COG5: variants seen among roughly 807,000 people sequenced by gnomAD.
COG5 encodes the protein conserved oligomeric Golgi complex subunit 5.
In COG5, 86 loss-of-function variants were observed where a neutral mutation model predicts 110.4. That is an observed-to-expected ratio of 0.78 (90% CI 0.65 to 0.93). The LOEUF (loss-of-function observed/expected upper bound fraction) is 0.93, where lower values mean the gene tolerates loss of function less well. Among genes scored for constraint, COG5 ranks in the 40% least tolerant of loss-of-function variants. The pLI is 0.00. For missense variants in COG5, 1,077 were observed against 987.0 expected (o/e 1.09, Z -1.22); for synonymous variants, 360 against 334.6 (o/e 1.08, Z -0.83).
At chr7:107,236,358 C>T in intron 18 of COG5, 92 bp downstream of exon 18, 1 of 981,784 alleles carries the variant, frequency 1.0e-6, no homozygotes, top group Non-Finnish European at 1.6e-6. Flanking sequence ...TGCTGCAACT[C>T]TTTAAAAACA....
intron 6 of COG5, among the ~76,000 whole-genome samples, chr7:107,458,199 A>C (rs1046732077): frequency 2.0e-5 from 3 of 152,230 alleles, no homozygotes; most frequent in African/African-American, 7.2e-5. Context: ...AAACAGAAAG[A>C]ATTTGTTGCA....
chr7:107,362,118 G>A lies in COG5; in HGVS notation c.949-8C>T. 6.3e-6 allele frequency: 10 copies of A among 1,593,434 alleles called. No homozygotes were observed. The highest frequency in any genetic ancestry group is 1.3e-5 in the African/African-American group (1 of 74,714). ...TTTTTGTAGATGTTGTACCTTAAAT[G>A]AAACAAATGTAAAGCTTAGGCAATA... On this transcript the variant is annotated splice_polypyrimidine_tract_variant and splice_region_variant and intron_variant, in intron 9 of 21. Coordinates refer to ENST00000297135, the MANE Select transcript of COG5 (RefSeq NM_006348.5).
At chr7:107,350,439 AT>A (rs1322555400) in intron 10 of COG5, among the ~76,000 whole-genome samples, 1 of 151,938 alleles carries the variant, frequency 6.6e-6, no homozygotes, top group African/African-American at 2.4e-5. Flanking sequence ...TTGTTTCTCA[AT>A]TTTTTATTCC....
At chr7:107,290,772 A>C (rs138672868) in intron 12 of COG5, among the ~76,000 whole-genome samples, 2 of 152,084 alleles carry the variant, frequency 1.3e-5, no homozygotes, top group Non-Finnish European at 2.9e-5. Context: ...GTCAGCTGTT[A>C]ATGTTATTGG....
At chr7:107,503,258 C>G (rs1345881657) in intron 6 of COG5, among the ~76,000 whole-genome samples, 1 of 152,064 alleles carries the variant, frequency 6.6e-6, no homozygotes, top group Non-Finnish European at 1.5e-5. Context: ...ATAGGGTGTT[C>G]TTTCCCCAAT....
chr7:107,558,914 C>CAAAAAA (rs34483652), intron 1 of COG5, among the ~76,000 whole-genome samples: 17 of 31,156 alleles, frequency 5.5e-4, no homozygotes, highest in East Asian at 2.0e-3. Flanking sequence ...GACTTCATCT[C>CAAAAAA]AAAAAAAAAA....
intron 7 of COG5, among the ~76,000 whole-genome samples, chr7:107,388,217 T>C (rs951166865): frequency 2.6e-5 from 4 of 152,254 alleles, no homozygotes; most frequent in Non-Finnish European, 5.9e-5. Context: ...TAATCAGTTA[T>C]GGCAAACAGA....
chr7:107,316,983 AATC>A (rs1434728497), intron 11 of COG5, among the ~76,000 whole-genome samples: 22 of 152,296 alleles, frequency 1.4e-4, no homozygotes, highest in African/African-American at 5.3e-4. Context: ...TCACTATTTA[AATC>A]ATCATGACCA....
intron 6 of COG5, among the ~76,000 whole-genome samples, chr7:107,506,058 T>C (rs1042394330): frequency 6.6e-6 from 1 of 152,176 alleles, no homozygotes; most frequent in Non-Finnish European, 1.5e-5. Flanking sequence ...ATGATGGTTG[T>C]AGTAGTAATG....
At chr7:107,278,365 G>A (rs936322088) in intron 14 of COG5, among the ~76,000 whole-genome samples, 3 of 152,034 alleles carry the variant, frequency 2.0e-5, no homozygotes, top group African/African-American at 7.2e-5. Context: ...GTGGTTTGCT[G>A]CACCCATCAA....
intron 6 of COG5, among the ~76,000 whole-genome samples, chr7:107,487,368 T>C (rs1405668783): frequency 6.6e-6 from 1 of 152,064 alleles, no homozygotes; most frequent in Non-Finnish European, 1.5e-5. Flanking sequence ...TGGCAAACAA[T>C]TTTTAATTTT....
chr7:107,347,370 A>G (rs1471922415), intron 10 of COG5, among the ~76,000 whole-genome samples: 3 of 152,242 alleles, frequency 2.0e-5, no homozygotes, highest in Non-Finnish European at 4.4e-5. Flanking sequence ...GAATCAGTAT[A>G]AAAGTTAGAC....
intron 19 of COG5, among the ~76,000 whole-genome samples, chr7:107,223,454 C>T (rs1304555616): frequency 1.3e-5 from 2 of 152,116 alleles, no homozygotes; most frequent in Non-Finnish European, 2.9e-5. Context: ...TTGTCTATAC[C>T]AGCAGACCAG....
intron 10 of COG5, among the ~76,000 whole-genome samples, chr7:107,354,964 G>A (rs1476330902): frequency 6.6e-6 from 1 of 152,184 alleles, no homozygotes; most frequent in Non-Finnish European, 1.5e-5. Flanking sequence ...AGCCCTTTAA[G>A]ATTTGGCTTT....
intron 10 of COG5, among the ~76,000 whole-genome samples, chr7:107,339,750 C>T (rs1811021579): frequency 6.6e-6 from 1 of 151,938 alleles, no homozygotes; most frequent in Non-Finnish European, 1.5e-5. Context: ...GGAAATTAAA[C>T]AACATGTCTC....
In COG5 at chr7:107,242,836, A is replaced by G. The variant is rs148615517; in HGVS notation, c.1853+5560T>C. 4.0e-3 allele frequency among the ~76,000 whole-genome samples: 606 copies of G among 152,200 alleles called. 2 individuals carry two copies. The highest frequency in any genetic ancestry group is 0.014 in the Middle Eastern group (4 of 294). ...CTGCAGTGAGTGAGTGCTAACATGCATCTGTCTGGGGTGGAGCCCCCAGGA... is the reference window on the plus strand; with the variant it reads ...CTGCAGTGAGTGAGTGCTAACATGCGTCTGTCTGGGGTGGAGCCCCCAGGA... On this transcript the variant is annotated intron_variant, in intron 17 of 21. Transcript: ENST00000297135.
Position 107,362,098 on chromosome 7 carries a change from G to T in COG5, c.961C>A (p.Gln321Lys), listed in dbSNP as rs370028534. ...YAVCGQVQHL[Q>K]KVLAKKRDPV... is the part of the protein sequence containing the mutation. ...TCTCTCTTCTTGGCCAATACTTTTTGTAGATGTTGTACCTTAAATGAAACA... is the reference window on the plus strand; with the variant it reads ...TCTCTCTTCTTGGCCAATACTTTTTTTAGATGTTGTACCTTAAATGAAACA... Residue 321 changes from glutamine (Q) to lysine (K), a missense_variant, in exon 10 of 22, where the codon CAA (glutamine) becomes AAA (lysine). Gln to Lys is a moderately conservative substitution (Grantham distance 53). Transcript: ENST00000297135. The T allele has an allele frequency of 1.7e-5, 27 of 1,606,208 alleles. No individual in the cohort carries two copies. The African/African-American group carries it at 3.5e-4, about 21-fold the overall frequency.
At chr7:107,396,482 G>C (rs1791018148) in intron 7 of COG5, among the ~76,000 whole-genome samples, 1 of 139,292 alleles carries the variant, frequency 7.2e-6, no homozygotes, top group South Asian at 2.3e-4. Context: ...CCTTTATTTT[G>C]AAGAGAGGCA....
intron 6 of COG5, among the ~76,000 whole-genome samples, chr7:107,443,862 C>T (rs1794861192): frequency 1.3e-5 from 2 of 152,160 alleles, no homozygotes; most frequent in African/African-American, 2.4e-5. Context: ...TATTCTCTAC[C>T]GTCTTCTAGG....
Sources: allele counts gnomAD v4.1 joint callset (sites outside exome capture counted in the v4.1 genomes callset), GRCh38; gene constraint gnomAD v4.1.1; transcripts MANE v1.5; gene names NCBI Gene and HGNC (gene_info 2026-07-23, HGNC 2026-07-21).